ANKS1B: variants seen among roughly 807,000 people sequenced by gnomAD.
ANKS1B encodes the protein ankyrin repeat and sterile alpha motif domain-containing protein 1B.
A neutral mutation model predicts 148.3 loss-of-function variants in ANKS1B; 36 were observed. That is an observed-to-expected ratio of 0.24 (90% CI 0.19 to 0.32). ANKS1B has a LOEUF of 0.32. ANKS1B is among the 10% of genes least tolerant of loss of function. The pLI is 1.00. For missense variants in ANKS1B, 1,157 were observed against 1,542.6 expected, an observed-to-expected ratio of 0.75 and a Z score of 4.19; for synonymous variants, 542 against 560.8, an observed-to-expected ratio of 0.97 and a Z score of 0.47.
chr12:98,736,356 T>C (rs988266892), intron 9 of ANKS1B, among the ~76,000 whole-genome samples: 3 of 152,052 alleles, frequency 2.0e-5, no homozygotes, highest in Admixed American at 6.5e-5. Context: ...TGCTGATGGA[T>C]TGGATAAAGG....
At chr12:99,161,248 A>ACC (rs1244340245) in intron 14 of ANKS1B, among the ~76,000 whole-genome samples, 1 of 152,176 alleles carries the variant, frequency 6.6e-6, no homozygotes, top group Admixed American at 6.5e-5. Flanking sequence ...TGTTATCAAA[A>ACC]TCAATGGAGG....
At chr12:99,702,712 T>C (rs1418513453) in intron 8 of ANKS1B, among the ~76,000 whole-genome samples, 1 of 151,272 alleles carries the variant, frequency 6.6e-6, no homozygotes, top group Non-Finnish European at 1.5e-5. Context: ...CCAGCTAATT[T>C]TTTTTTTTTT....
rs369911017 is a variant in ANKS1B at position 99,298,748 on chromosome 12, T to C, written c.1757-51884A>G. Among the ~76,000 whole-genome samples, 127 of 152,334 alleles carry C rather than the reference T, an allele frequency of 8.3e-4. 2 individuals carry two copies. The South Asian group carries it at 0.024, about 28-fold the overall frequency. On this transcript the variant is annotated intron_variant, in intron 12 of 26. Coordinates refer to ENST00000683438, the MANE Select transcript of ANKS1B (RefSeq NM_001352186.2). ...CAGCTTAATCCTGTCAATCTGGCCA[T>C]AGCCTATATACTTAGGCTATACAAA...
At chr12:98,873,395 A>G (rs958281507) in intron 17 of ANKS1B, among the ~76,000 whole-genome samples, 2 of 152,258 alleles carry the variant, frequency 1.3e-5, no homozygotes, top group African/African-American at 2.4e-5. Flanking sequence ...ATTCCTATTC[A>G]AATAAGCCTG....
At chr12:99,434,684 T>C (rs1003060565) in intron 11 of ANKS1B, among the ~76,000 whole-genome samples, 1 of 152,126 alleles carries the variant, frequency 6.6e-6, no homozygotes, top group African/African-American at 2.4e-5. Context: ...CATTTGCATC[T>C]CTTCCAAAAC....
At position 99,774,686 on chromosome 12, in the gene ANKS1B, T is replaced by C. The variant is rs1485373237; in HGVS notation, c.961+862A>G. Among the ~76,000 whole-genome samples, 10 of 152,124 alleles carry C rather than the reference T, an allele frequency of 6.6e-5. No homozygotes were observed. In the East Asian group the frequency reaches 1.9e-3, roughly 29 times the overall value. On this transcript the variant is annotated intron_variant, in intron 7 of 26. Transcript: ENST00000683438. ...TTGGAGAGATATCTGCACCCTTCTG[T>C]TCATTGCAACATTCTTCAGAACAGC...
intron 1 of ANKS1B, among the ~76,000 whole-genome samples, chr12:99,973,850 C>T (rs1055842145): frequency 4.6e-5 from 7 of 152,120 alleles, no homozygotes; most frequent in African/African-American, 1.7e-4. Flanking sequence ...CGAGTGGAAT[C>T]GACTCCTGGT....
At chr12:99,149,315 C>G in intron 15 of ANKS1B, among the ~76,000 whole-genome samples, 1 of 152,112 alleles carries the variant, frequency 6.6e-6, no homozygotes, top group East Asian at 1.9e-4. Context: ...TGAGCTCTAT[C>G]ATGCGCAAAT....
At chr12:99,414,693 G>A (rs1265296296) in intron 11 of ANKS1B, among the ~76,000 whole-genome samples, 5 of 152,158 alleles carry the variant, frequency 3.3e-5, no homozygotes, top group Non-Finnish European at 7.4e-5. Context: ...GGGGTGAGGG[G>A]TTAGGGGAAG....
chr12:98,924,368 A>G (rs980505403), intron 17 of ANKS1B, among the ~76,000 whole-genome samples: 1 of 152,198 alleles, frequency 6.6e-6, no homozygotes, highest in African/African-American at 2.4e-5. Flanking sequence ...TACAGGTTTT[A>G]AGAGTCTTCT....
intron 11 of ANKS1B, among the ~76,000 whole-genome samples, chr12:99,436,812 T>C (rs1208871891): frequency 6.6e-6 from 1 of 152,022 alleles, no homozygotes; most frequent in Non-Finnish European, 1.5e-5. Flanking sequence ...TGTTCAGAAA[T>C]GACTCATCTT....
chr12:99,175,344 C>T, intron 14 of ANKS1B, among the ~76,000 whole-genome samples: 1 of 152,166 alleles, frequency 6.6e-6, no homozygotes, highest in East Asian at 1.9e-4. Context: ...GGAATATTTG[C>T]ATATACATAA....
chr12:98,953,818 T>C (rs1284323303), intron 17 of ANKS1B, among the ~76,000 whole-genome samples: 1 of 152,148 alleles, frequency 6.6e-6, no homozygotes, highest in Non-Finnish European at 1.5e-5. Flanking sequence ...ATTCTTCTGT[T>C]GACTGTCCTG....
intron 25 of ANKS1B, among the ~76,000 whole-genome samples, chr12:98,766,428 C>T (rs1396325842): frequency 6.6e-6 from 1 of 152,216 alleles, no homozygotes; most frequent in Admixed American, 6.5e-5. Context: ...CAGGGAACGG[C>T]TTCTCTTTTA....
intron 15 of ANKS1B, among the ~76,000 whole-genome samples, chr12:99,092,529 T>A (rs1477716370): frequency 2.0e-5 from 3 of 151,138 alleles, no homozygotes; most frequent in African/African-American, 7.3e-5. Flanking sequence ...GGCAGATATC[T>A]GAGTGTTGTT....
chr12:99,896,266 C>T (rs549479842), intron 1 of ANKS1B, among the ~76,000 whole-genome samples: 2 of 151,258 alleles, frequency 1.3e-5, no homozygotes, highest in Middle Eastern at 3.4e-3. Context: ...TCCTGGTAAC[C>T]ACTCTTCTAT....
intron 14 of ANKS1B, among the ~76,000 whole-genome samples, chr12:99,227,038 T>C (rs572814521): frequency 9.8e-5 from 15 of 152,320 alleles, no homozygotes; most frequent in African/African-American, 3.4e-4. Context: ...GGTAGGGTGA[T>C]ATAGCTAGTG....
At chr12:99,194,267 T>C (rs982865244) in intron 14 of ANKS1B, among the ~76,000 whole-genome samples, 3 of 152,174 alleles carry the variant, frequency 2.0e-5, no homozygotes, top group East Asian at 1.9e-4. Context: ...TTGTCTAACA[T>C]AAAGTCTTCA....
intron 14 of ANKS1B, among the ~76,000 whole-genome samples, chr12:99,186,063 C>T (rs563148518): frequency 1.1e-4 from 17 of 152,264 alleles, no homozygotes; most frequent in Non-Finnish European, 1.9e-4. Context: ...GGGGAAGGGG[C>T]GTCCGCTATG....
Sources: gnomAD v4.1 joint callset for allele counts (sites outside exome capture counted in the v4.1 genomes callset) on GRCh38, gnomAD v4.1.1 for gene constraint, MANE v1.5 for transcripts, NCBI Gene and HGNC (gene_info 2026-07-23, HGNC 2026-07-21) for gene names.